ZFPM2: variants seen among roughly 807,000 people sequenced by gnomAD.
ZFPM2 encodes zinc finger protein ZFPM2.
A neutral mutation model predicts 98.6 loss-of-function variants in ZFPM2; 20 were observed. The observed-to-expected ratio is 0.20, with a 90% confidence interval of 0.14 to 0.29. The LOEUF (loss-of-function observed/expected upper bound fraction) is 0.29, where lower values mean the gene tolerates loss of function less well. ZFPM2 is among the 10% of genes least tolerant of loss of function. ZFPM2 has a pLI of 1.00. For synonymous variants in ZFPM2, 518 were observed against 502.7 expected, an observed-to-expected ratio of 1.03 and a Z score of -0.41; for missense variants, 1,310 against 1,388.6, an observed-to-expected ratio of 0.94 and a Z score of 0.90.
chr8:105,419,792 T>TA (rs893164472), intron 2 of ZFPM2, among the ~76,000 whole-genome samples: 12 of 151,816 alleles, frequency 7.9e-5, no homozygotes, highest in Non-Finnish European at 1.6e-4. Context: ...TATTGTCAAA[T>TA]AAAAAAATAT....
intron 3 of ZFPM2, among the ~76,000 whole-genome samples, chr8:105,450,593 G>A (rs2130250216): frequency 6.6e-6 from 1 of 152,154 alleles, no homozygotes; most frequent in South Asian, 2.1e-4. Flanking sequence ...ATCTTTGGAA[G>A]GAAATGACTC....
chr8:105,338,757 G>A (rs144200447), intron 1 of ZFPM2, among the ~76,000 whole-genome samples: 189 of 151,954 alleles, frequency 1.2e-3, no homozygotes, highest in Middle Eastern at 6.8e-3. Flanking sequence ...AGAGTTGTCT[G>A]TATGAATTTG....
chr8:105,731,960 G>A (rs1811949987), intron 5 of ZFPM2, among the ~76,000 whole-genome samples: 1 of 151,690 alleles, frequency 6.6e-6, no homozygotes, highest in Non-Finnish European at 1.5e-5. Context: ...CATAACTGAT[G>A]GAGAATTGTG....
chr8:105,393,511 A>G (rs545041953), intron 1 of ZFPM2, among the ~76,000 whole-genome samples: 1 of 152,164 alleles, frequency 6.6e-6, no homozygotes. Context: ...TATCTACACA[A>G]CCACGGATAA....
At chr8:105,594,673 T>C (rs1326816603) in intron 4 of ZFPM2, among the ~76,000 whole-genome samples, 1 of 152,076 alleles carries the variant, frequency 6.6e-6, no homozygotes, top group Admixed American at 6.6e-5. Context: ...ATGTACAAAT[T>C]ATGGATTTGA....
chr8:105,569,080 G>A (rs1815301975), intron 4 of ZFPM2, among the ~76,000 whole-genome samples: 1 of 151,732 alleles, frequency 6.6e-6, no homozygotes. Flanking sequence ...GAAGCCTCCT[G>A]TCTGGAATAG....
chr8:105,356,703 G>A (rs1204012447), intron 1 of ZFPM2, among the ~76,000 whole-genome samples: 4 of 152,154 alleles, frequency 2.6e-5, no homozygotes, highest in Admixed American at 6.6e-5. Context: ...TATTTAGTTT[G>A]TTTTGTTTTC....
At chr8:105,468,824 A>C (rs1309910092) in intron 3 of ZFPM2, among the ~76,000 whole-genome samples, 1 of 152,176 alleles carries the variant, frequency 6.6e-6, no homozygotes, top group Non-Finnish European at 1.5e-5. Context: ...AATTTAAGTT[A>C]TTACTAGTTA....
At chr8:105,684,166 C>T (rs1457326856) in intron 5 of ZFPM2, among the ~76,000 whole-genome samples, 1 of 152,104 alleles carries the variant, frequency 6.6e-6, no homozygotes, top group African/African-American at 2.4e-5. Flanking sequence ...CACATTTATA[C>T]ATCAGATTTG....
chr8:105,802,841 G>A lies in ZFPM2; in HGVS notation c.2759G>A (p.Gly920Glu), dbSNP rs747010827. The A allele has an allele frequency of 1.8e-5, 29 of 1,613,638 alleles. No individual in the cohort carries two copies. The highest frequency in any genetic ancestry group is 2.4e-5 in the Non-Finnish European group (28 of 1,179,816). Residue 920 changes from glycine to glutamate, a missense_variant, in exon 8 of 8, where the codon GGG becomes GAG. Physicochemically the swap from Gly to Glu is moderately conservative, Grantham distance 98 (BLOSUM62 -2). Transcript: ENST00000407775. ...AGCATAATAAAATGTGAGAAAAATGGGAATTTGAAGCAGCCTTCCCCCAAT... is the reference window on the plus strand; with the variant it reads ...AGCATAATAAAATGTGAGAAAAATGAGAATTTGAAGCAGCCTTCCCCCAAT... ...ERSIIKCEKN[G>E]NLKQPSPNGN...
intron 3 of ZFPM2, among the ~76,000 whole-genome samples, chr8:105,448,431 A>G (rs1812418074): frequency 6.6e-6 from 1 of 151,990 alleles, no homozygotes; most frequent in Non-Finnish European, 1.5e-5. Flanking sequence ...CTAATTATTC[A>G]ATAAATATTT....
intron 1 of ZFPM2, among the ~76,000 whole-genome samples, chr8:105,381,147 A>G (rs1419622944): frequency 2.0e-5 from 3 of 146,880 alleles, no homozygotes; most frequent in Admixed American, 7.1e-5. Flanking sequence ...TCATTGTTCA[A>G]CTCCCACTTA....
In ZFPM2 at chr8:105,487,948, A is replaced by G. The variant is rs534297469; in HGVS notation, c.301+43567A>G. ...TATCTATCTAGCTAGCTAGCTAGCT[A>G]GCTATCTGTCATGTCTTTTTTTAGA... On this transcript the variant is annotated intron_variant, in intron 3 of 7. Coordinates refer to ENST00000407775, the MANE Select transcript of ZFPM2 (RefSeq NM_012082.4). Among the ~76,000 whole-genome samples the G allele has an allele frequency of 6.2e-3, 832 of 134,404 alleles. 9 individuals carry two copies. Among genetic ancestry groups the G allele is most frequent in the African/African-American group, 0.021 (776 of 36,968 alleles). 88.2% of individuals were successfully genotyped at this position (134,404 alleles called of 152,430 possible). A position where few individuals can be genotyped will look rare whatever the true frequency, so the allele number is the denominator to read the frequency against.
intron 3 of ZFPM2, among the ~76,000 whole-genome samples, chr8:105,505,190 A>G (rs528112179): frequency 1.7e-4 from 26 of 152,306 alleles, no homozygotes; most frequent in African/African-American, 5.8e-4. Flanking sequence ...CTGCAAGGTT[A>G]GCTGCTGTGA....
chr8:105,468,802 GGCATTGT>G (rs1812842589), intron 3 of ZFPM2, among the ~76,000 whole-genome samples: 1 of 152,040 alleles, frequency 6.6e-6, no homozygotes, highest in Non-Finnish European at 1.5e-5. Flanking sequence ...CCTTTTTGTT[GGCATTGT>G]TGCAAATTTA....
intron 4 of ZFPM2, among the ~76,000 whole-genome samples, chr8:105,632,001 T>C (rs1478286684): frequency 6.6e-6 from 1 of 152,160 alleles, no homozygotes; most frequent in Non-Finnish European, 1.5e-5. Flanking sequence ...CAGGTGCCTG[T>C]TTTGAAATCG....
chr8:105,387,066 T>C (rs1005723323), intron 1 of ZFPM2: 1 of 152,500 alleles, frequency 6.6e-6, no homozygotes, highest in African/African-American at 2.4e-5. Flanking sequence ...GACATAAATG[T>C]TCTCCGAGTA....
intron 3 of ZFPM2, among the ~76,000 whole-genome samples, chr8:105,554,656 G>A (rs1366969014): frequency 6.6e-6 from 1 of 152,118 alleles, no homozygotes; most frequent in Non-Finnish European, 1.5e-5. Context: ...AAACCAATCC[G>A]AATTGTATTT....
At position 105,803,993 on chromosome 8, in the gene ZFPM2, G is replaced by T. The variant is rs1814128247; in HGVS notation, c.*455G>T. Reference sequence around the variant, plus strand: ...ATGCTAAAATATAACTTGCAAAGATGTTCTAAATACACATGCTATAAGTTC... The same window carrying T: ...ATGCTAAAATATAACTTGCAAAGATTTTCTAAATACACATGCTATAAGTTC... On this transcript the variant is annotated 3_prime_UTR_variant, in exon 8 of 8. Coordinates refer to ENST00000407775, the MANE Select transcript of ZFPM2 (RefSeq NM_012082.4). 1.3e-5 allele frequency: 2 copies of T among 156,862 alleles called. No individual in the cohort carries two copies. The highest frequency in any genetic ancestry group is 3.7e-4 in the East Asian group (2 of 5,396). The allele number at this position is 156,862 out of a possible 1,614,324, so 9.7% of individuals were successfully genotyped here.
Sources: allele counts gnomAD v4.1 joint callset (sites outside exome capture counted in the v4.1 genomes callset), GRCh38; gene constraint gnomAD v4.1.1; transcripts MANE v1.5; gene names NCBI Gene and HGNC (gene_info 2026-07-23, HGNC 2026-07-21).